Variants in DOCK11 observed in about 807,000 individuals in gnomAD.
DOCK11 encodes dedicator of cytokinesis protein 11.
Under a neutral mutation model 169.1 loss-of-function variants are expected in DOCK11, and 70 were observed. That is an observed-to-expected ratio of 0.41 (90% CI 0.34 to 0.51). DOCK11 has a LOEUF of 0.51. Among genes scored for constraint, DOCK11 ranks in the 20% least tolerant of loss-of-function variants. The probability of loss-of-function intolerance (pLI) is 0.10; values close to 1 mark genes in which losing one functional copy is unlikely to be tolerated. For missense variants in DOCK11, 1,166 were observed against 1,538.8 expected, an observed-to-expected ratio of 0.76 and a Z score of 4.05; for synonymous variants, 529 against 541.3, an observed-to-expected ratio of 0.98 and a Z score of 0.32.
chrX:118,498,219 C>T (rs2057550543), intron 1 of DOCK11, among the ~76,000 whole-genome samples: 1 of 112,213 alleles, frequency 8.9e-6, no homozygotes, highest in South Asian at 3.7e-4. Context: ...CTATTGAGCC[C>T]TTACAATGTG....
At chrX:118,593,189 A>T (rs1224371955) in intron 19 of DOCK11, 25 bp from the exon 20 acceptor site, 2 of 1,182,783 alleles carry the variant, frequency 1.7e-6, no homozygotes, top group African/African-American at 1.8e-5. Context: ...ACGAAGTTCC[A>T]TGTGTAATTT....
chrX:118,581,986 C>T (rs886789555), intron 14 of DOCK11, among the ~76,000 whole-genome samples: 38 of 108,824 alleles, frequency 3.5e-4, no homozygotes, highest in Admixed American at 2.2e-3. Context: ...AAAAATTAGC[C>T]GGGCGTGATG....
intron 6 of DOCK11, among the ~76,000 whole-genome samples, chrX:118,549,106 C>CTGTGTGTGTGTGTGTGTGTGTGTG (rs57680469): frequency 1.3e-3 from 133 of 99,115 alleles, no homozygotes; most frequent in African/African-American, 4.8e-3. Context: ...TGCTCATATT[C>CTGTGTGTGTGTGTGTGTGTGTGTG]TGTGTGTGTG....
At chrX:118,634,648 G>C (rs1483159689) in intron 35 of DOCK11, among the ~76,000 whole-genome samples, 2 of 112,940 alleles carry the variant, frequency 1.8e-5, no homozygotes, top group African/African-American at 3.2e-5. Flanking sequence ...ACTTCTGGGG[G>C]GGAACCCAAG....
intron 32 of DOCK11, 72 bp downstream of exon 32, chrX:118,624,727 C>T (rs1603129728): frequency 9.5e-6 from 5 of 525,922 alleles, no homozygotes; most frequent in Non-Finnish European, 1.2e-5. Flanking sequence ...GGGTCATATG[C>T]TATATGATCT....
intron 1 of DOCK11, among the ~76,000 whole-genome samples, chrX:118,507,194 T>C (rs902053979): frequency 8.9e-6 from 1 of 112,267 alleles, no homozygotes; most frequent in African/African-American, 3.2e-5. Flanking sequence ...TTAGAAGATA[T>C]TCTGATACTT....
chrX:118,664,317 A>T (rs1453799648), intron 45 of DOCK11, among the ~76,000 whole-genome samples: 2 of 111,219 alleles, frequency 1.8e-5, no homozygotes, highest in African/African-American at 6.5e-5. Context: ...GTTGATTTTG[A>T]TGTGAAAGCT....
At chrX:118,604,743 G>A (rs938838440) in intron 23 of DOCK11, among the ~76,000 whole-genome samples, 1 of 110,765 alleles carries the variant, frequency 9.0e-6, no homozygotes, top group Non-Finnish European at 1.9e-5. Context: ...TTCTTAGACT[G>A]CAAAAGTGCT....
chrX:118,598,405 A>C (rs565597786), intron 22 of DOCK11, among the ~76,000 whole-genome samples: 1 of 110,290 alleles, frequency 9.1e-6, no homozygotes, highest in Non-Finnish European at 1.9e-5. Context: ...AAAAAAAAAA[A>C]AAAACAGTCA....
intron 1 of DOCK11, among the ~76,000 whole-genome samples, chrX:118,505,728 C>T (rs920299754): frequency 8.9e-6 from 1 of 112,260 alleles, no homozygotes; most frequent in Non-Finnish European, 1.9e-5. Flanking sequence ...TACCTTCACA[C>T]GAGTTTAATG....
intron 1 of DOCK11, among the ~76,000 whole-genome samples, chrX:118,523,531 T>A (rs761823970): frequency 1.4e-4 from 16 of 112,020 alleles, no homozygotes; most frequent in Non-Finnish European, 2.6e-4. Context: ...CAGTACTTTG[T>A]AGAGCGAGAA....
At chrX:118,628,918 G>T (rs899026577) in intron 34 of DOCK11, among the ~76,000 whole-genome samples, 1 of 112,263 alleles carries the variant, frequency 8.9e-6, no homozygotes, top group African/African-American at 3.2e-5. Context: ...AATGAAAATT[G>T]GGATTATGAC....
chrX:118,602,886 A>T (rs955469961), intron 23 of DOCK11, among the ~76,000 whole-genome samples: 1 of 112,168 alleles, frequency 8.9e-6, no homozygotes, highest in Admixed American at 9.5e-5. Context: ...CCAAATATTT[A>T]TTGACCATGT....
intron 45 of DOCK11, among the ~76,000 whole-genome samples, chrX:118,670,319 G>A (rs994877952): frequency 9.0e-6 from 1 of 111,521 alleles, no homozygotes; most frequent in South Asian, 3.7e-4. Flanking sequence ...TATGACTTAC[G>A]GGTAGCATCA....
chrX:118,582,515 G>A (rs1296031818), intron 14 of DOCK11, among the ~76,000 whole-genome samples: 1 of 111,625 alleles, frequency 9.0e-6, no homozygotes, highest in Non-Finnish European at 1.9e-5. Flanking sequence ...AATTGTTTTG[G>A]TTCTCAGCAG....
At chrX:118,528,635 A>G (rs755560892) in intron 1 of DOCK11, among the ~76,000 whole-genome samples, 1 of 111,194 alleles carries the variant, frequency 9.0e-6, no homozygotes, top group East Asian at 2.8e-4. Context: ...ACGGGTTAGC[A>G]TTACAAAATG....
Position 118,652,054 on chromosome X carries a change from G to T in DOCK11, c.4672G>T (p.Ala1558Ser). The stretch of plus-strand genomic sequence containing the variant: ...GTCTTTATTCATTATCAATAATTTT[G>T]CAAATAGTGACAGACCTATGAAGGT... ...QESLFIINNF[A>S]NSDRPMKATA... The change falls in exon 42 of 53, where the codon GCA becomes TCA. Residue 1558 changes from alanine (A) to serine (S), a missense_variant. Ala to Ser is a moderately conservative substitution (Grantham distance 99). Transcript: ENST00000276202. The T allele has an allele frequency of 8.4e-7, 1 of 1,187,756 alleles. No homozygotes were observed. The highest frequency in any genetic ancestry group is 1.1e-6 in the Non-Finnish European group (1 of 876,898).
intron 27 of DOCK11, among the ~76,000 whole-genome samples, chrX:118,609,997 T>A (rs939078731): frequency 1.1e-4 from 12 of 111,998 alleles, no homozygotes; most frequent in Non-Finnish European, 1.9e-5. Context: ...CTGCGTTGTG[T>A]CTGTAACTCA....
chrX:118,627,456 C>T (rs761771770), intron 32 of DOCK11, 48 bp from the exon 33 acceptor site: 1 of 905,664 alleles, frequency 1.1e-6, no homozygotes. Context: ...ATTTCTTATC[C>T]TATATACGAA....
Sources: allele counts gnomAD v4.1 joint callset (sites outside exome capture counted in the v4.1 genomes callset), GRCh38; gene constraint gnomAD v4.1.1; transcripts MANE v1.5; gene names NCBI Gene and HGNC (gene_info 2026-07-23, HGNC 2026-07-21).